Variants in CNGB3 observed in about 807,000 individuals in gnomAD.
CNGB3 encodes cyclic nucleotide-gated channel beta-3.
A neutral mutation model predicts 92.8 loss-of-function variants in CNGB3; 86 were observed. The ratio of observed to expected loss-of-function variants is 0.93; its 90% CI spans 0.78 to 1.11. The LOEUF (loss-of-function observed/expected upper bound fraction) is 1.11, where lower values mean the gene tolerates loss of function less well. Ranked by LOEUF, CNGB3 falls within the 50% of genes least tolerant of loss-of-function variation. The pLI, the probability that CNGB3 is intolerant of heterozygous loss-of-function variation, is 0.00. For synonymous variants in CNGB3, 333 were observed against 332.7 expected (o/e 1.00, Z -0.01); for missense variants, 1,026 against 956.8 (o/e 1.07, Z -0.95).
chr8:86,709,339 C>T (rs980281311), intron 3 of CNGB3, among the ~76,000 whole-genome samples: 1 of 152,160 alleles, frequency 6.6e-6, no homozygotes, highest in Non-Finnish European at 1.5e-5. Context: ...CCCCTGGCTA[C>T]GTTTTCCTCT....
At chr8:86,594,170 A>G in intron 15 of CNGB3, 1 of 278,536 alleles carries the variant, frequency 3.6e-6, no homozygotes, top group Non-Finnish European at 7.2e-6. Context: ...TGTGTCTCCA[A>G]CGATCACCCA....
chr8:86,643,509 A>G (rs777456821), intron 10 of CNGB3, among the ~76,000 whole-genome samples: 2 of 151,326 alleles, frequency 1.3e-5, no homozygotes, highest in South Asian at 2.1e-4. Flanking sequence ...GCTCCCACAT[A>G]TATGTGAGAA....
chr8:86,614,296 T>C (rs1822574169), intron 13 of CNGB3, among the ~76,000 whole-genome samples: 1 of 152,120 alleles, frequency 6.6e-6, no homozygotes, highest in Non-Finnish European at 1.5e-5. Flanking sequence ...AGAGCCCACG[T>C]AGACGAGCAG....
chr8:86,726,433 C>T, intron 3 of CNGB3, 98 bp downstream of exon 3: 1 of 1,522,630 alleles, frequency 6.6e-7, no homozygotes. Context: ...TTTTTTCTGC[C>T]CTTATATTCA....
intron 6 of CNGB3, chr8:86,657,311 G>A: frequency 2.8e-6 from 1 of 361,054 alleles, no homozygotes; most frequent in South Asian, 2.3e-5. Flanking sequence ...CTGGGAAGGG[G>A]TGGTAAGGAC....
At chr8:86,690,478 A>G (rs903829275) in intron 3 of CNGB3, among the ~76,000 whole-genome samples, 9 of 152,108 alleles carry the variant, frequency 5.9e-5, no homozygotes, top group African/African-American at 1.9e-4. Context: ...AGATGAGTAG[A>G]TTGCAAAAAT....
chr8:86,577,998 C>T (rs1821690638), intron 17 of CNGB3, among the ~76,000 whole-genome samples: 1 of 151,934 alleles, frequency 6.6e-6, no homozygotes, highest in Admixed American at 6.6e-5. Context: ...CAACCTTTGC[C>T]TCCCGGATTC....
chr8:86,680,500 C>G (rs778930708), intron 3 of CNGB3, among the ~76,000 whole-genome samples: 5 of 152,126 alleles, frequency 3.3e-5, no homozygotes, highest in Admixed American at 6.5e-5. Flanking sequence ...TGGGGTGATT[C>G]CACACCAATT....
chr8:86,691,355 C>T (rs1158677614), intron 3 of CNGB3, among the ~76,000 whole-genome samples: 2 of 152,008 alleles, frequency 1.3e-5, no homozygotes, highest in Non-Finnish European at 2.9e-5. Context: ...AATTTGGATG[C>T]CATTGATTTC....
chr8:86,720,673 T>C (rs767652051), intron 3 of CNGB3, among the ~76,000 whole-genome samples: 4 of 152,050 alleles, frequency 2.6e-5, no homozygotes, highest in Non-Finnish European at 2.9e-5. Context: ...AAAGAAGTCA[T>C]TATAGCAAAA....
rs901104008 is a variant in CNGB3 at position 86,647,866 on chromosome 8, G to A, written c.925C>T (p.Pro309Ser). Reference protein sequence around the residue: ...KFQLDVASIIPFDICYLFFGF... With the variant: ...KFQLDVASIISFDICYLFFGF... Reference sequence around the variant, plus strand: ...AAGAAGAGGTAGCAAATATCAAATGGTATTATTGATGCGACATCCAACTGT... The same window carrying A: ...AAGAAGAGGTAGCAAATATCAAATGATATTATTGATGCGACATCCAACTGT... The change falls in exon 8 of 18, where the codon CCA becomes TCA. Residue 309 changes from proline (P) to serine (S), a missense_variant. By Grantham distance (74) the Pro-to-Ser change is moderately conservative. Transcript: ENST00000320005. The A allele has an allele frequency of 1.3e-6, 2 of 1,596,134 alleles. No homozygotes were observed. Among genetic ancestry groups the A allele is most frequent in the Non-Finnish European group, 1.7e-6 (2 of 1,164,708 alleles).
chr8:86,632,843 C>A lies in CNGB3; in HGVS notation c.1229G>T (p.Gly410Val), dbSNP rs200452343. The A allele has an allele frequency of 7.4e-6, 12 of 1,612,720 alleles. No individual in the cohort carries two copies. Residue 410 changes from glycine (G) to valine (V), a missense_variant, in exon 11 of 18, where the codon GGC (glycine) becomes GTC (valine). By Grantham distance (109) the Gly-to-Val change is moderately radical. Transcript: ENST00000320005. ...AAATAAAGTTTGTGGTTCTGGAAGG[C>A]CACCAATGGTAATTAAAGTTCGAAC... is the stretch of plus-strand genomic sequence containing the variant. ...WAVRTLITIG[G>V]LPEPQTLFEI...
chr8:86,690,070 A>C (rs1353571723), intron 3 of CNGB3, among the ~76,000 whole-genome samples: 2 of 152,212 alleles, frequency 1.3e-5, no homozygotes, highest in East Asian at 3.8e-4. Context: ...TCCTTTGGGC[A>C]TATACCCAGT....
At chr8:86,721,964 A>G (rs192882598) in intron 3 of CNGB3, among the ~76,000 whole-genome samples, 1 of 152,290 alleles carries the variant, frequency 6.6e-6, no homozygotes, top group East Asian at 1.9e-4. Context: ...ATGATTGCCT[A>G]TTTTAAAACC....
At chr8:86,727,105 A>C (rs971434376) in intron 2 of CNGB3, among the ~76,000 whole-genome samples, 1 of 152,190 alleles carries the variant, frequency 6.6e-6, no homozygotes, top group Non-Finnish European at 1.5e-5. Context: ...AAACATAGAA[A>C]AGATACAGTT....
At chr8:86,678,704 T>G (rs1342105717) in intron 3 of CNGB3, among the ~76,000 whole-genome samples, 1 of 152,214 alleles carries the variant, frequency 6.6e-6, no homozygotes, top group African/African-American at 2.4e-5. Flanking sequence ...AAAAATGTAA[T>G]GGTACCTAAC....
intron 3 of CNGB3, among the ~76,000 whole-genome samples, chr8:86,694,083 C>T (rs1824381489): frequency 9.5e-6 from 1 of 105,568 alleles, no homozygotes; most frequent in African/African-American, 3.8e-5. Context: ...GGGGCTGACC[C>T]CCCCACCTCC....
At chr8:86,662,451 G>A (rs1823660560) in intron 6 of CNGB3, among the ~76,000 whole-genome samples, 1 of 152,194 alleles carries the variant, frequency 6.6e-6, no homozygotes, top group African/African-American at 2.4e-5. Flanking sequence ...GGAGACAAGA[G>A]GGAAAAGTGA....
intron 8 of CNGB3, among the ~76,000 whole-genome samples, chr8:86,646,420 T>TGGAGTTAGATAAATGTGATAGAGTTCA (rs1823293027): frequency 6.6e-6 from 1 of 151,162 alleles, no homozygotes; most frequent in Admixed American, 6.6e-5. Context: ...ATAAAGAATT[T>TGGAGTTAGATAAATGTGATAGAGTTCA]GGAGTTAGAT....
Sources: allele counts gnomAD v4.1 joint callset (sites outside exome capture counted in the v4.1 genomes callset), GRCh38; gene constraint gnomAD v4.1.1; transcripts MANE v1.5; gene names NCBI Gene and HGNC (gene_info 2026-07-23, HGNC 2026-07-21).